The following PDE12 variants were observed in gnomAD, a reference collection of about 807,000 sequenced individuals.
PDE12 encodes the protein 2',5'-phosphodiesterase 12.
PDE12 carries 26 observed loss-of-function variants against 45.4 expected under a neutral mutation model. That is an observed-to-expected ratio of 0.57 (90% CI 0.42 to 0.79). The LOEUF is 0.79. Among genes scored for constraint, PDE12 ranks in the 30% least tolerant of loss-of-function variants. The pLI, the probability that PDE12 is intolerant of heterozygous loss-of-function variation, is 0.00. For missense variants in PDE12, 668 were observed against 790.0 expected (o/e 0.85, Z 1.85); for synonymous variants, 283 against 323.9 (o/e 0.87, Z 1.36).
chr3:57,618,364 T>C, the PDE12 span, among the ~76,000 whole-genome samples: 3 of 152,314 alleles, frequency 2.0e-5, no homozygotes, highest in East Asian at 3.9e-4. Context: ...TAAAAGGCTA[T>C]ACAGTCATCT....
chr3:57,618,627 T>TTTTTTTA, the PDE12 span, among the ~76,000 whole-genome samples: 2 of 136,844 alleles, frequency 1.5e-5, no homozygotes, highest in South Asian at 2.4e-4. Context: ...TTTTTTTTTT[T>TTTTTTTA]GAGATGGAGT....
chr3:57,577,285 G>T, the PDE12 span: 3 of 1,575,766 alleles, frequency 1.9e-6, no homozygotes, highest in Non-Finnish European at 2.6e-6. Context: ...AGCACACCTT[G>T]AAAATGATGA....
chr3:57,573,146 G>A, the PDE12 span, among the ~76,000 whole-genome samples: 7 of 150,252 alleles, frequency 4.7e-5, no homozygotes, highest in East Asian at 1.4e-3. Context: ...AGCTTGCAGT[G>A]AGCCGAGATC....
the PDE12 span, among the ~76,000 whole-genome samples, chr3:57,638,602 G>A: frequency 3.5e-4 from 53 of 152,222 alleles, no homozygotes; most frequent in African/African-American, 1.3e-3. Flanking sequence ...AGGTTGCAGT[G>A]AGCCAAGATT....
At position 57,561,528 on chromosome 3, in the gene PDE12, A is replaced by G. The variant is rs187717911; in HGVS notation, c.*1524A>G. On this transcript the variant is annotated 3_prime_UTR_variant, in exon 3 of 3. Transcript: ENST00000311180. ...TAGTGTCTAGCCTAGAGTGGTAACCATGCTTTACTAATTCAGTTATGAAAT... is the reference window on the plus strand; with the variant it reads ...TAGTGTCTAGCCTAGAGTGGTAACCGTGCTTTACTAATTCAGTTATGAAAT... 3.0e-6 allele frequency: 3 copies of G among 984,688 alleles called. No homozygotes were observed. Among genetic ancestry groups the G allele is most frequent in the Admixed American group, 1.2e-4 (2 of 16,274 alleles). 61.0% of individuals were successfully genotyped at this position (984,688 alleles called of 1,614,324 possible). A position where few individuals can be genotyped will look rare whatever the true frequency, so the allele number is the denominator to read the frequency against.
chr3:57,633,384 T>C, the PDE12 span: 1 of 1,555,872 alleles, frequency 6.4e-7, no homozygotes, highest in Non-Finnish European at 8.8e-7. Context: ...AGAATCTGTA[T>C]TCTAGTGTTG....
the PDE12 span, among the ~76,000 whole-genome samples, chr3:57,595,952 C>CAA: frequency 4.6e-5 from 6 of 129,658 alleles, no homozygotes; most frequent in South Asian, 2.4e-4. Context: ...ACTCCGTCTG[C>CAA]AAAAAAAAAA....
the PDE12 span, chr3:57,633,396 A>C: frequency 3.4e-6 from 5 of 1,458,558 alleles, no homozygotes; most frequent in Non-Finnish European, 4.8e-6. Context: ...CTAGTGTTGG[A>C]ATATAAAACA....
chr3:57,641,508 G>C, the PDE12 span: 1 of 468,086 alleles, frequency 2.1e-6, no homozygotes, highest in Non-Finnish European at 3.6e-6. Flanking sequence ...GCATATTTTA[G>C]TGGGAAATTA....
the PDE12 span, among the ~76,000 whole-genome samples, chr3:57,623,966 AC>A: frequency 2.0e-5 from 3 of 152,122 alleles, no homozygotes; most frequent in Admixed American, 6.6e-5. Context: ...TTATCAAACA[AC>A]AAAATCTTTT....
the PDE12 span, chr3:57,645,864 T>TA: frequency 8.6e-6 from 6 of 700,702 alleles, no homozygotes; most frequent in African/African-American, 1.8e-5. Flanking sequence ...GGATACTTTG[T>TA]TTATTTTAAT....
the PDE12 span, among the ~76,000 whole-genome samples, chr3:57,576,915 G>C: frequency 6.6e-6 from 1 of 151,884 alleles, no homozygotes; most frequent in Non-Finnish European, 1.5e-5. Flanking sequence ...GATGACCTTG[G>C]GAACAAAACA....
At chr3:57,557,824 G>A in intron 1 of PDE12, 137 bp downstream of exon 1, 1 of 792,180 alleles carries the variant, frequency 1.3e-6, no homozygotes, top group Non-Finnish European at 2.0e-6. Context: ...TGTATCTTCA[G>A]CACAAAGTTT....
the PDE12 span, among the ~76,000 whole-genome samples, chr3:57,646,006 C>A: frequency 6.6e-6 from 1 of 152,136 alleles, no homozygotes; most frequent in African/African-American, 2.4e-5. Context: ...TAGCTATGTG[C>A]CTTTGACTCT....
chr3:57,648,681 G>A, the PDE12 span, among the ~76,000 whole-genome samples: 1 of 152,136 alleles, frequency 6.6e-6, no homozygotes, highest in Non-Finnish European at 1.5e-5. Flanking sequence ...ATAGACCAAT[G>A]GAACAGAACA....
At chr3:57,589,455 C>T in the PDE12 span, among the ~76,000 whole-genome samples, 3 of 152,192 alleles carry the variant, frequency 2.0e-5, no homozygotes, top group Non-Finnish European at 4.4e-5. Context: ...CCCCGTGGCT[C>T]ACACCTGTAA....
At position 57,556,919 on chromosome 3, in the gene PDE12, C is replaced by T. The variant is rs1387465694; in HGVS notation, c.540C>T (p.Cys180=). The T allele has an allele frequency of 6.2e-7, 1 of 1,614,182 alleles. No homozygotes were observed. Among genetic ancestry groups the T allele is most frequent in the East Asian group, 2.2e-5 (1 of 44,878 alleles). ...PRYIMAGFPV[C]PKLSLEFGDP... ...ACATCATGGCCGGGTTCCCTGTGTG[C>T]CCCAAACTCAGCCTCGAATTTGGGG... Residue 180 remains cysteine, a synonymous_variant, in exon 1 of 3, where the codon TGC becomes TGT. Coordinates refer to ENST00000311180, the MANE Select transcript of PDE12 (RefSeq NM_177966.7). The surrounding 1 kb of genome is among the most constrained non-coding windows in gnomAD (Gnocchi z 5.0).
chr3:57,560,223 A>G lies in PDE12; in HGVS notation c.*219A>G. ...CTACAATTGGAGGAGAAACAAATAT[A>G]TTTCTTACTAGCAAAATAGAAAATT... On this transcript the variant is annotated 3_prime_UTR_variant, in exon 3 of 3. Transcript: ENST00000311180. 8.0e-7 allele frequency: 1 copy of G among 1,251,578 alleles called. No individual in the cohort carries two copies. Among genetic ancestry groups the G allele is most frequent in the Non-Finnish European group, 1.0e-6 (1 of 998,382 alleles). The allele number at this position is 1,251,578 out of a possible 1,614,324, so 77.5% of individuals were successfully genotyped here. A position where few individuals can be genotyped will look rare whatever the true frequency, so the allele number is the denominator to read the frequency against.
the PDE12 span, chr3:57,630,262 C>A: frequency 8.8e-6 from 5 of 566,760 alleles, no homozygotes; most frequent in South Asian, 2.9e-5. Flanking sequence ...CTATATAAAG[C>A]CCCTATAATG....
Sources: gnomAD v4.1 joint callset for allele counts (sites outside exome capture counted in the v4.1 genomes callset) on GRCh38, gnomAD v4.1.1 for gene constraint, Gnocchi (gnomAD v3.1) non-coding constraint, MANE v1.5 for transcripts, NCBI Gene and HGNC (gene_info 2026-07-23, HGNC 2026-07-21) for gene names.